The following MYBPC1 variants were observed in gnomAD, a reference collection of about 807,000 sequenced individuals.
MYBPC1 encodes myosin binding protein C1.
Under a neutral mutation model 147.1 loss-of-function variants are expected in MYBPC1, and 52 were observed. The ratio of observed to expected loss-of-function variants is 0.35; its 90% confidence interval spans 0.28 to 0.45. MYBPC1 has a LOEUF of 0.45. Among genes scored for constraint, MYBPC1 ranks in the 20% least tolerant of loss-of-function variants. The pLI, the probability that MYBPC1 is intolerant of heterozygous loss-of-function variation, is 1.00. For missense variants in MYBPC1, 1,228 were observed against 1,440.3 expected (o/e 0.85, Z 2.39); for synonymous variants, 477 against 475.9 (o/e 1.00, Z -0.03).
chr12:101,614,699 CTG>C, intron 2 of MYBPC1, 168 bp downstream of exon 2: 2 of 706,698 alleles, frequency 2.8e-6, no homozygotes, highest in African/African-American at 1.8e-5. Context: ...AAATAATACA[CTG>C]TGTTTATATA....
chr12:101,604,644 C>T (rs1881430143), intron 1 of MYBPC1, among the ~76,000 whole-genome samples: 1 of 152,098 alleles, frequency 6.6e-6, no homozygotes, highest in Non-Finnish European at 1.5e-5. Context: ...TTATAGATAT[C>T]AGTTATTAGT....
intron 1 of MYBPC1, among the ~76,000 whole-genome samples, chr12:101,603,214 C>A (rs578134056): frequency 6.6e-6 from 1 of 152,086 alleles, no homozygotes; most frequent in African/African-American, 2.4e-5. Context: ...CATGGTGGCG[C>A]ATGCCTGTAA....
chr12:101,622,740 AAATT>A (rs1203324561), intron 3 of MYBPC1, among the ~76,000 whole-genome samples: 1 of 152,102 alleles, frequency 6.6e-6, no homozygotes, highest in Non-Finnish European at 1.5e-5. Flanking sequence ...GTCTAAAAAA[AAATT>A]AATTAATAAA....
At position 101,624,644 on chromosome 12, in the gene MYBPC1, G is replaced by A. The variant is rs903668954; in HGVS notation, c.104-2228G>A. Among the ~76,000 whole-genome samples, 2 of 144,902 alleles carry A rather than the reference G, an allele frequency of 1.4e-5. 1 individual carries two copies. Among genetic ancestry groups the A allele is most frequent in the African/African-American group, 5.2e-5 (2 of 38,488 alleles). On this transcript the variant is annotated intron_variant, in intron 3 of 31. Coordinates refer to ENST00000361466, the MANE Select transcript of MYBPC1 (RefSeq NM_002465.4). ...TTAAGACTACAGCACACACTACCAA[G>A]TGCTCAGTGTGCAAATAATATACAA...
intron 22 of MYBPC1, chr12:101,666,824 T>A: frequency 9.4e-6 from 15 of 1,599,986 alleles, no homozygotes; most frequent in Middle Eastern, 1.7e-4. Flanking sequence ...AGCTCTCAAA[T>A]TTTCTTACTA....
chr12:101,642,330 G>T, intron 10 of MYBPC1, 89 bp from the exon 11 acceptor site: 2 of 1,392,554 alleles, frequency 1.4e-6, no homozygotes, highest in South Asian at 1.2e-5. Context: ...TTTTTACACT[G>T]AACTGAAAAA....
At chr12:101,661,894 C>T (rs1251002630) in intron 20 of MYBPC1, among the ~76,000 whole-genome samples, 1 of 26,454 alleles carries the variant, frequency 3.8e-5, no homozygotes, top group African/African-American at 1.1e-4. Flanking sequence ...GAGACTCTGT[C>T]TCAAAAAAAA....
At chr12:101,634,074 G>C (rs1890513250) in intron 8 of MYBPC1, among the ~76,000 whole-genome samples, 1 of 152,032 alleles carries the variant, frequency 6.6e-6, no homozygotes, top group Non-Finnish European at 1.5e-5. Flanking sequence ...TTTTGTTCTT[G>C]TATTTTTAGT....
At position 101,631,567 on chromosome 12, in the gene MYBPC1, C is replaced by T. The variant is rs773548626; in HGVS notation, c.290-4C>T. The T allele has an allele frequency of 5.0e-6, 8 of 1,613,610 alleles. No homozygotes were observed. Among genetic ancestry groups the T allele is most frequent in the Non-Finnish European group, 6.8e-6 (8 of 1,179,792 alleles). The stretch of plus-strand genomic sequence containing the variant: ...GCAAGCTGAATCCCTTATGCTTCTT[C>T]TAGGTGAAGATATCACCTTCATAGC... On this transcript the variant is annotated splice_region_variant and splice_polypyrimidine_tract_variant and intron_variant, in intron 6 of 31. Transcript: ENST00000361466.
At chr12:101,677,989 C>G in intron 27 of MYBPC1, 113 bp from the exon 28 acceptor site, 1 of 1,311,760 alleles carries the variant, frequency 7.6e-7, no homozygotes, top group East Asian at 2.3e-5. Flanking sequence ...TCATCTTTGT[C>G]CATGTTTTTC....
At chr12:101,689,380 A>T (rs1334316680), downstream of MYBPC1, among the ~76,000 whole-genome samples, 9 of 152,202 alleles carry the variant, frequency 5.9e-5, no homozygotes, top group Non-Finnish European at 1.5e-5. Flanking sequence ...TACACTTTAT[A>T]AAAAAGTCAC....
intron 5 of MYBPC1, chr12:101,628,056 A>G (rs1889032275): frequency 4.4e-6 from 2 of 449,594 alleles, no homozygotes; most frequent in Admixed American, 3.5e-5. Flanking sequence ...ATATTTAGCA[A>G]ATACACAGAG....
At chr12:101,660,220 T>C (rs1346413477) in intron 19 of MYBPC1, 3 of 304,154 alleles carry the variant, frequency 9.9e-6, no homozygotes, top group Non-Finnish European at 1.9e-5. Context: ...CAAGGTCTGA[T>C]GCTCTCCTCT....
At chr12:101,651,002 G>T in intron 15 of MYBPC1, 2 of 530,642 alleles carry the variant, frequency 3.8e-6, no homozygotes, top group South Asian at 2.0e-5. Flanking sequence ...TTCCTTGCTG[G>T]GTCATTTCAG....
chr12:101,612,303 A>G (rs1884597305), intron 1 of MYBPC1, among the ~76,000 whole-genome samples: 1 of 152,100 alleles, frequency 6.6e-6, no homozygotes, highest in Admixed American at 6.5e-5. Flanking sequence ...GCTGTTAGAG[A>G]TTAAGGAATT....
At chr12:101,690,174 T>TA (rs924413332), downstream of MYBPC1, among the ~76,000 whole-genome samples, 19 of 145,188 alleles carry the variant, frequency 1.3e-4, no homozygotes, top group South Asian at 2.2e-4. Flanking sequence ...AGACTCCATC[T>TA]AAAAAAAAAA....
intron 25 of MYBPC1, among the ~76,000 whole-genome samples, chr12:101,674,336 A>G (rs1319483877): frequency 6.6e-6 from 1 of 152,182 alleles, no homozygotes; most frequent in Non-Finnish European, 1.5e-5. Context: ...TTGCTAATGA[A>G]GTTTTCATGG....
chr12:101,659,493 G>A (rs1407601760), intron 18 of MYBPC1, among the ~76,000 whole-genome samples, 179 bp from the exon 19 acceptor site: 2 of 152,096 alleles, frequency 1.3e-5, no homozygotes, highest in South Asian at 2.1e-4. Flanking sequence ...GAATTAAACT[G>A]AGAAAACATA....
At chr12:101,682,806 C>A in intron 30 of MYBPC1, 144 bp downstream of exon 30, 1 of 783,266 alleles carries the variant, frequency 1.3e-6, no homozygotes, top group Non-Finnish European at 2.1e-6. Context: ...GTGCTTATGC[C>A]ATGAACAAGG....
Sources: gnomAD v4.1 joint callset for allele counts (sites outside exome capture counted in the v4.1 genomes callset) on GRCh38, gnomAD v4.1.1 for gene constraint, MANE v1.5 for transcripts, NCBI Gene and HGNC (gene_info 2026-07-23, HGNC 2026-07-21) for gene names.